The following EPHA6 variants were observed in gnomAD, a reference collection of about 807,000 sequenced individuals.
EPHA6 encodes the protein ephrin type-A receptor 6.
A neutral mutation model predicts 112.0 loss-of-function variants in EPHA6; 50 were observed. The observed-to-expected ratio is 0.45, with a 90% CI of 0.36 to 0.56. The LOEUF is 0.56. Among genes scored for constraint, EPHA6 ranks in the 20% least tolerant of loss-of-function variants. The pLI, the probability that EPHA6 is intolerant of heterozygous loss-of-function variation, is 0.00. For synonymous variants in EPHA6, 529 were observed against 490.7 expected (o/e 1.08, Z -1.03); for missense variants, 1,280 against 1,417.4 (o/e 0.90, Z 1.56).
chr3:97,448,532 G>A, intron 6 of EPHA6, 36 bp from the exon 7 acceptor site: 1 of 1,607,652 alleles, frequency 6.2e-7, no homozygotes, highest in Non-Finnish European at 8.5e-7. Flanking sequence ...GAATAACTCT[G>A]TTTCATTTCC....
chr3:96,970,949 A>G (rs1010301742), intron 2 of EPHA6, among the ~76,000 whole-genome samples: 2 of 152,066 alleles, frequency 1.3e-5, no homozygotes, highest in African/African-American at 2.4e-5. Flanking sequence ...TGTGCTTGCT[A>G]TATTTGGAGG....
chr3:97,407,121 A>C (rs1355439361), intron 6 of EPHA6, among the ~76,000 whole-genome samples: 2 of 152,086 alleles, frequency 1.3e-5, no homozygotes, highest in African/African-American at 4.8e-5. Context: ...GTTAGGATAA[A>C]TCATACAGAT....
At chr3:97,021,463 A>AT (rs1198994115) in intron 3 of EPHA6, among the ~76,000 whole-genome samples, 1 of 152,078 alleles carries the variant, frequency 6.6e-6, no homozygotes, top group Non-Finnish European at 1.5e-5. Flanking sequence ...GGGCCTTTGC[A>AT]TTTGTTGCTT....
chr3:97,478,340 A>T (rs1415339029), intron 8 of EPHA6, among the ~76,000 whole-genome samples: 1 of 152,110 alleles, frequency 6.6e-6, no homozygotes, highest in Admixed American at 6.5e-5. Context: ...ACAAAAGAAA[A>T]CATTTCAATC....
At chr3:97,167,557 A>G (rs2076571997) in intron 3 of EPHA6, among the ~76,000 whole-genome samples, 2 of 152,164 alleles carry the variant, frequency 1.3e-5, no homozygotes, top group South Asian at 2.1e-4. Flanking sequence ...TGACTTAGAC[A>G]TGTCATTAAT....
intron 3 of EPHA6, among the ~76,000 whole-genome samples, chr3:96,996,614 A>C (rs538791268): frequency 6.6e-6 from 1 of 152,244 alleles, no homozygotes; most frequent in South Asian, 2.1e-4. Context: ...GTGCATCATC[A>C]GTGATCAGTA....
At chr3:97,233,317 A>T (rs1455363363) in intron 4 of EPHA6, among the ~76,000 whole-genome samples, 3 of 152,028 alleles carry the variant, frequency 2.0e-5, no homozygotes, top group African/African-American at 7.2e-5. Context: ...TGCAAAAAAA[A>T]AAAAAAAGCA....
intron 3 of EPHA6, among the ~76,000 whole-genome samples, chr3:97,156,411 A>G (rs2076290624): frequency 6.6e-6 from 1 of 152,216 alleles, no homozygotes; most frequent in African/African-American, 2.4e-5. Context: ...AGGCAGATTA[A>G]TATGAATGTG....
chr3:96,824,948 T>A (rs2033547406), intron 1 of EPHA6, among the ~76,000 whole-genome samples: 1 of 151,650 alleles, frequency 6.6e-6, no homozygotes, highest in Admixed American at 6.6e-5. Flanking sequence ...GAAATTAAAA[T>A]ACAATATAAG....
At chr3:96,836,180 G>A (rs142439066) in intron 1 of EPHA6, among the ~76,000 whole-genome samples, 5 of 152,028 alleles carry the variant, frequency 3.3e-5, no homozygotes, top group Admixed American at 1.3e-4. Flanking sequence ...ACTTTTCTTG[G>A]CATCATACTA....
rs572074415 is a variant in EPHA6 at position 97,374,991 on chromosome 3, T to C, written c.1607-30159T>C. The stretch of plus-strand genomic sequence containing the variant: ...GGATAAATATTTATTGAAAACCTAC[T>C]ATGTGTCCAGCGCATGCTAGCACTG... On this transcript the variant is annotated intron_variant, in intron 5 of 17. Transcript: ENST00000389672. Among the ~76,000 whole-genome samples, 5 of 152,278 alleles carry C rather than the reference T, an allele frequency of 3.3e-5. No homozygotes were observed. The South Asian group carries it at 1.0e-3, about 32-fold the overall frequency.
At chr3:97,263,339 A>C (rs1165597630) in intron 5 of EPHA6, among the ~76,000 whole-genome samples, 2 of 152,060 alleles carry the variant, frequency 1.3e-5, no homozygotes, top group Non-Finnish European at 2.9e-5. Context: ...AAAGGCATTC[A>C]TATATATTTG....
intron 4 of EPHA6, among the ~76,000 whole-genome samples, chr3:97,242,043 G>A (rs2108577620): frequency 6.6e-6 from 1 of 151,646 alleles, no homozygotes; most frequent in African/African-American, 2.4e-5. Context: ...TCCCCTTCAT[G>A]TTTGCCTTCC....
At chr3:96,979,918 T>C (rs1409040838) in intron 2 of EPHA6, among the ~76,000 whole-genome samples, 3 of 152,190 alleles carry the variant, frequency 2.0e-5, no homozygotes, top group Admixed American at 1.3e-4. Flanking sequence ...TTCTTGTAAA[T>C]TTGTTTGAGT....
At chr3:97,473,527 CCTAA>C (rs1024458897) in intron 7 of EPHA6, among the ~76,000 whole-genome samples, 8 of 151,776 alleles carry the variant, frequency 5.3e-5, no homozygotes, top group Non-Finnish European at 1.2e-4. Context: ...ATTATAGCTA[CCTAA>C]CTACTATGAA....
intron 2 of EPHA6, among the ~76,000 whole-genome samples, chr3:96,897,723 G>A (rs1344458353): frequency 6.6e-6 from 1 of 152,160 alleles, no homozygotes; most frequent in African/African-American, 2.4e-5. Context: ...AAATTAAAGT[G>A]CAATTTAGTG....
rs764169046 is a variant in EPHA6 at position 97,757,278 on chromosome 3, G to T, written c.*8577G>T. Among the ~76,000 whole-genome samples, 1 of 151,722 alleles carries T rather than the reference G, an allele frequency of 6.6e-6. No homozygotes were observed. The highest frequency in any genetic ancestry group is 2.1e-4 in the South Asian group (1 of 4,818). Reference sequence around the variant, plus strand: ...AAACTAAAGTGCATTTCAAGGATGGGAATCTCTAATATAAATGAGTACACT... The same window carrying T: ...AAACTAAAGTGCATTTCAAGGATGGTAATCTCTAATATAAATGAGTACACT... On this transcript the variant is annotated 3_prime_UTR_variant, in exon 18 of 18. Transcript: ENST00000389672.
intron 3 of EPHA6, among the ~76,000 whole-genome samples, chr3:97,142,798 C>A (rs758256084): frequency 6.6e-6 from 1 of 151,890 alleles, no homozygotes; most frequent in East Asian, 1.9e-4. Flanking sequence ...ACAATAAAAA[C>A]CCTCAACAAA....
intron 14 of EPHA6, among the ~76,000 whole-genome samples, chr3:97,695,866 T>C (rs996217051): frequency 1.3e-4 from 20 of 152,180 alleles, no homozygotes; most frequent in African/African-American, 4.6e-4. Flanking sequence ...CGATATGCAT[T>C]AATGCCCAAA....
Sources: gnomAD v4.1 joint callset for allele counts (sites outside exome capture counted in the v4.1 genomes callset) on GRCh38, gnomAD v4.1.1 for gene constraint, MANE v1.5 for transcripts, NCBI Gene and HGNC (gene_info 2026-07-23, HGNC 2026-07-21) for gene names.